RIN2: variants seen among roughly 807,000 people sequenced by gnomAD.
RIN2 encodes Ras and Rab interactor 2, also known as RAB5 interacting protein 2.
RIN2 carries 36 observed loss-of-function variants against 78.0 expected under a neutral mutation model. The observed-to-expected ratio is 0.46, with a 90% CI of 0.35 to 0.61. The LOEUF is 0.61. Among genes scored for constraint, RIN2 ranks in the 20% least tolerant of loss-of-function variants. The pLI is 0.00. For synonymous variants in RIN2, 466 were observed against 466.8 expected (o/e 1.00, Z 0.02); for missense variants, 1,087 against 1,159.7 (o/e 0.94, Z 0.91).
intron 11 of RIN2, among the ~76,000 whole-genome samples, chr20:19,992,804 T>C (rs999808841): frequency 1.3e-5 from 2 of 152,252 alleles, no homozygotes; most frequent in Admixed American, 6.5e-5. Context: ...GATATTTCCA[T>C]TGCCAGGAAA....
chr20:19,873,595 A>G (rs760315950), intron 2 of RIN2, among the ~76,000 whole-genome samples: 1 of 152,192 alleles, frequency 6.6e-6, no homozygotes. Context: ...TCTCAAAAGC[A>G]CATGGTAGGT....
At chr20:19,847,918 C>T (rs8118681) in intron 2 of RIN2, among the ~76,000 whole-genome samples, 1 of 152,108 alleles carries the variant, frequency 6.6e-6, no homozygotes, top group Non-Finnish European at 1.5e-5. Flanking sequence ...GCTCCACAGG[C>T]CATATGGTCC....
intron 3 of RIN2, among the ~76,000 whole-genome samples, chr20:19,901,322 A>G (rs1461578681): frequency 3.5e-5 from 2 of 57,764 alleles, no homozygotes; most frequent in African/African-American, 1.4e-4. Context: ...CCGTCCCCAC[A>G]TTTTATTTGC....
At chr20:19,882,178 C>T (rs773129487) in intron 2 of RIN2, among the ~76,000 whole-genome samples, 11 of 152,094 alleles carry the variant, frequency 7.2e-5, no homozygotes, top group South Asian at 2.1e-4. Context: ...GAACAAGTGA[C>T]GGAAGCATCA....
intron 1 of RIN2, among the ~76,000 whole-genome samples, chr20:19,793,221 A>G (rs1362041465): frequency 6.6e-6 from 1 of 152,242 alleles, no homozygotes; most frequent in Non-Finnish European, 1.5e-5. Context: ...CAATATTTCA[A>G]CATATGATCA....
In RIN2 at chr20:19,974,960, C is replaced by A. The variant is rs368837181; in HGVS notation, c.935C>A (p.Pro312Gln). 2.7e-5 allele frequency: 44 copies of A among 1,612,676 alleles called. No homozygotes were observed. Among genetic ancestry groups the A allele is most frequent in the Admixed American group, 1.3e-4 (8 of 59,964 alleles). The change falls in exon 9 of 13, where the codon CCG (proline) becomes CAG (glutamine). Residue 312 changes from proline to glutamine, a missense_variant. Around this residue, in one of 8 missense-constraint regions of RIN2, gnomAD observed 706 missense variants for 667.5 expected, o/e 1.06. Transcript: ENST00000255006. Reference protein sequence around the residue: ...ERTRSPPPRPPPPAINSLHTS... With the variant: ...ERTRSPPPRPQPPAINSLHTS... ...ACTCGGTCCCCCCCACCCAGGCCCC[C>A]GCCACCCGCTATTAATAGTCTCCAC...
intron 9 of RIN2, among the ~76,000 whole-genome samples, chr20:19,977,609 G>C (rs186971646): frequency 1.3e-3 from 201 of 152,258 alleles, no homozygotes; most frequent in African/African-American, 4.7e-3. Context: ...CCATTTGTCT[G>C]ACAGCCACAC....
intron 2 of RIN2, among the ~76,000 whole-genome samples, chr20:19,859,004 G>C (rs141430769): frequency 6.6e-6 from 1 of 152,350 alleles, no homozygotes; most frequent in Non-Finnish European, 1.5e-5. Flanking sequence ...CAACTGAGTT[G>C]AGATCCCTGG....
At chr20:19,785,888 T>G (rs1029148025) in intron 1 of RIN2, among the ~76,000 whole-genome samples, 2 of 152,370 alleles carry the variant, frequency 1.3e-5, no homozygotes, top group South Asian at 2.1e-4. Flanking sequence ...TTTTCATACA[T>G]TATATTCATC....
chr20:19,957,536 G>A (rs1309037637), intron 5 of RIN2, among the ~76,000 whole-genome samples: 2 of 152,192 alleles, frequency 1.3e-5, no homozygotes, highest in Non-Finnish European at 2.9e-5. Context: ...AATTAGCCCG[G>A]TGTGGTGGCA....
intron 2 of RIN2, among the ~76,000 whole-genome samples, chr20:19,887,165 T>G (rs749130723): frequency 8.7e-5 from 13 of 148,604 alleles, no homozygotes; most frequent in Non-Finnish European, 1.6e-4. Context: ...TACAGGAGCA[T>G]GCCACCATGC....
chr20:19,901,743 G>A (rs767983552), intron 3 of RIN2, among the ~76,000 whole-genome samples: 1 of 152,088 alleles, frequency 6.6e-6, no homozygotes, highest in Admixed American at 6.6e-5. Flanking sequence ...CAGGTCGAGT[G>A]CGGTGGCCCA....
At chr20:19,778,561 C>G (rs2034391907) in intron 1 of RIN2, among the ~76,000 whole-genome samples, 2 of 152,126 alleles carry the variant, frequency 1.3e-5, no homozygotes, top group South Asian at 4.1e-4. Context: ...CTGCCAGAGC[C>G]AGGATTTGGA....
intron 4 of RIN2, 24 bp downstream of exon 4, chr20:19,935,223 A>T (rs759521505): frequency 4.5e-6 from 7 of 1,567,000 alleles, no homozygotes; most frequent in Non-Finnish European, 6.1e-6. Context: ...CGGTTAGGTG[A>T]TGGGTGCGAG....
intron 9 of RIN2, among the ~76,000 whole-genome samples, chr20:19,987,593 T>G (rs1053008369): frequency 6.6e-6 from 1 of 152,166 alleles, no homozygotes; most frequent in Non-Finnish European, 1.5e-5. Flanking sequence ...TTGCAAGGAT[T>G]AGATGATAGT....
intron 2 of RIN2, 28 bp downstream of exon 2, chr20:19,799,775 G>A (rs1040251867): frequency 1.3e-5 from 2 of 152,252 alleles, no homozygotes; most frequent in Non-Finnish European, 2.9e-5. Context: ...CATAAACCCA[G>A]TGTGCGCCAC....
At chr20:19,895,785 C>A (rs1568582247) in intron 3 of RIN2, 1 of 152,216 alleles carries the variant, frequency 6.6e-6, no homozygotes. Context: ...CTCTCTGACA[C>A]CACAAAGACT....
At chr20:19,817,951 G>A (rs1039289121) in intron 2 of RIN2, among the ~76,000 whole-genome samples, 5 of 152,278 alleles carry the variant, frequency 3.3e-5, no homozygotes, top group East Asian at 3.9e-4. Context: ...ATCCCTTAAC[G>A]ATGGGGTACA....
intron 2 of RIN2, among the ~76,000 whole-genome samples, chr20:19,836,407 G>A (rs1284969713): frequency 6.6e-6 from 1 of 152,150 alleles, no homozygotes; most frequent in Non-Finnish European, 1.5e-5. Context: ...AAATATTAGA[G>A]CATGAAAAGA....
Sources: gnomAD v4.1 joint callset for allele counts (sites outside exome capture counted in the v4.1 genomes callset) on GRCh38, gnomAD v4.1.1 for gene constraint, gnomAD v4.1.1 regional missense constraint, MANE v1.5 for transcripts, NCBI Gene and HGNC (gene_info 2026-07-23, HGNC 2026-07-21) for gene names.